The following KCNH1 variants were observed in gnomAD, a reference collection of about 807,000 sequenced individuals.
KCNH1 encodes the protein potassium voltage-gated channel subfamily H member 1, also known as voltage-gated delayed rectifier potassium channel KCNH1.
In KCNH1, 27 loss-of-function variants were observed where a neutral mutation model predicts 69.2. The observed-to-expected ratio is 0.39, with a 90% CI of 0.29 to 0.54. KCNH1 has a LOEUF of 0.54. Among genes scored for constraint, KCNH1 ranks in the 20% least tolerant of loss-of-function variants. The probability of loss-of-function intolerance (pLI) is 0.68; values close to 1 mark genes in which losing one functional copy is unlikely to be tolerated. For missense variants in KCNH1, 798 were observed against 1,261.6 expected (o/e 0.63, Z 5.57); for synonymous variants, 456 against 487.7 (o/e 0.93, Z 0.86).
At chr1:210,788,722 A>T (rs1684156125) in intron 9 of KCNH1, among the ~76,000 whole-genome samples, 1 of 100,400 alleles carries the variant, frequency 1.0e-5, no homozygotes, top group Non-Finnish European at 1.8e-5. Flanking sequence ...TTTGAGACGG[A>T]GTCTCGCTCT....
intron 6 of KCNH1, among the ~76,000 whole-genome samples, chr1:210,962,257 T>A (rs532706818): frequency 6.6e-6 from 1 of 152,320 alleles, no homozygotes. Context: ...TCAGATTGTT[T>A]TTCAGCCCTC....
At chr1:211,095,616 A>C (rs1691133994) in intron 3 of KCNH1, among the ~76,000 whole-genome samples, 1 of 152,204 alleles carries the variant, frequency 6.6e-6, no homozygotes, top group Admixed American at 6.5e-5. Context: ...GCTTCCTCCC[A>C]AGTACTCTCT....
At chr1:211,026,335 G>A (rs1689682463) in intron 5 of KCNH1, among the ~76,000 whole-genome samples, 2 of 139,942 alleles carry the variant, frequency 1.4e-5, no homozygotes, top group South Asian at 4.7e-4. Context: ...CTGACTTGGA[G>A]CTGAAGAAGC....
chr1:210,778,740 C>A (rs530648092), intron 9 of KCNH1, among the ~76,000 whole-genome samples: 2 of 152,136 alleles, frequency 1.3e-5, no homozygotes, highest in African/African-American at 2.4e-5. Flanking sequence ...AACCTGCAGT[C>A]TCCTATTGGG....
At chr1:211,087,598 T>G (rs1222123829) in intron 4 of KCNH1, among the ~76,000 whole-genome samples, 1 of 143,394 alleles carries the variant, frequency 7.0e-6, no homozygotes, top group East Asian at 2.0e-4. Context: ...TCATTCAGCC[T>G]TTAAGCATAC....
At chr1:210,929,574 C>T (rs1687641950) in intron 6 of KCNH1, among the ~76,000 whole-genome samples, 1 of 152,152 alleles carries the variant, frequency 6.6e-6, no homozygotes, top group African/African-American at 2.4e-5. Flanking sequence ...CAACATCACA[C>T]AGAACAGGGA....
intron 7 of KCNH1, among the ~76,000 whole-genome samples, chr1:210,874,745 T>G (rs113093232): frequency 6.6e-6 from 1 of 152,184 alleles, no homozygotes; most frequent in East Asian, 1.9e-4. Context: ...TATATCAGCA[T>G]AGCTATAATG....
rs1240080255 is a variant in KCNH1 at position 210,913,519 on chromosome 1, G to A, written c.1462+6121C>T. Among the ~76,000 whole-genome samples, 4 of 151,732 alleles carry A rather than the reference G, an allele frequency of 2.6e-5. No homozygotes were observed. In the South Asian group the frequency reaches 6.3e-4, roughly 24 times the overall value. ...CATTATCTCATTTAGTTTTCACTTC[G>A]GCCAAGTGAGATTGTCAGGAGAGCC... On this transcript the variant is annotated intron_variant, in intron 7 of 10. Transcript: ENST00000271751.
intron 5 of KCNH1, among the ~76,000 whole-genome samples, chr1:211,067,884 AC>A (rs1259832944): frequency 6.6e-6 from 1 of 152,200 alleles, no homozygotes; most frequent in African/African-American, 2.4e-5. Flanking sequence ...TCAGTGAACT[AC>A]CCTATGCCTC....
At chr1:210,721,586 T>C (rs1682459865) in intron 10 of KCNH1, among the ~76,000 whole-genome samples, 1 of 152,146 alleles carries the variant, frequency 6.6e-6, no homozygotes, top group Non-Finnish European at 1.5e-5. Flanking sequence ...ACATAATTTT[T>C]CCCAGGCACA....
At chr1:210,721,204 G>C (rs1461747803) in intron 10 of KCNH1, among the ~76,000 whole-genome samples, 1 of 152,042 alleles carries the variant, frequency 6.6e-6, no homozygotes, top group Non-Finnish European at 1.5e-5. Context: ...CTGGTGCTGG[G>C]TTTGCACACA....
chr1:211,030,598 A>T (rs1571591713), intron 5 of KCNH1, among the ~76,000 whole-genome samples: 1 of 152,192 alleles, frequency 6.6e-6, no homozygotes, highest in East Asian at 1.9e-4. Flanking sequence ...TCTTATTTAA[A>T]AATTAACTCA....
In KCNH1 at chr1:211,074,561, AT is replaced by A. The variant is rs1366518458; in HGVS notation, c.558+8218del. Among the ~76,000 whole-genome samples, 3 of 152,206 alleles carry A rather than the reference AT, an allele frequency of 2.0e-5. No individual in the cohort carries two copies. In the East Asian group the frequency reaches 5.8e-4, roughly 29 times the overall value. On this transcript the variant is annotated intron_variant, in intron 5 of 10. Transcript: ENST00000271751. ...TGGAGATTAAATATGGATTATAAAA[AT>A]GTATATGGGTATCAAGTTGACAAGA...
chr1:211,011,720 C>T (rs1446080826), intron 6 of KCNH1, among the ~76,000 whole-genome samples: 1 of 152,144 alleles, frequency 6.6e-6, no homozygotes, highest in African/African-American at 2.4e-5. Flanking sequence ...TAGCCACTCC[C>T]CAGCTCCCAC....
At chr1:210,870,423 A>G (rs773518812) in intron 7 of KCNH1, among the ~76,000 whole-genome samples, 3 of 152,180 alleles carry the variant, frequency 2.0e-5, no homozygotes, top group Non-Finnish European at 4.4e-5. Context: ...CAGCACAAGA[A>G]TTGAAAAAAG....
At chr1:210,933,564 CTA>C (rs1687722438) in intron 6 of KCNH1, among the ~76,000 whole-genome samples, 3 of 150,880 alleles carry the variant, frequency 2.0e-5, no homozygotes, top group Non-Finnish European at 4.4e-5. Context: ...GAAATAGAGA[CTA>C]AAAACATACA....
chr1:211,039,236 G>C (rs1053288624), intron 5 of KCNH1, among the ~76,000 whole-genome samples: 1 of 152,234 alleles, frequency 6.6e-6, no homozygotes, highest in Admixed American at 6.5e-5. Flanking sequence ...GAGCCTGCAG[G>C]TACACAGAAA....
chr1:210,802,896 C>CCCCAGAACTTAA (rs1442094286), intron 8 of KCNH1, among the ~76,000 whole-genome samples: 2 of 151,972 alleles, frequency 1.3e-5, no homozygotes, highest in African/African-American at 4.8e-5. Flanking sequence ...ATGTTCTGCA[C>CCCCAGAACTTAA]ATGTACCCCA....
At chr1:211,024,706 A>G (rs1689653136) in intron 5 of KCNH1, among the ~76,000 whole-genome samples, 1 of 152,176 alleles carries the variant, frequency 6.6e-6, no homozygotes, top group African/African-American at 2.4e-5. Flanking sequence ...CTTGTTATAA[A>G]CAGAGAAAAA....
Sources: gnomAD v4.1 joint callset for allele counts (sites outside exome capture counted in the v4.1 genomes callset) on GRCh38, gnomAD v4.1.1 for gene constraint, MANE v1.5 for transcripts, NCBI Gene and HGNC (gene_info 2026-07-23, HGNC 2026-07-21) for gene names.